CLUL1: variants seen among roughly 807,000 people sequenced by gnomAD.
The protein encoded by CLUL1 is clusterin-like protein 1.
In CLUL1, 43 loss-of-function variants were observed where a neutral mutation model predicts 49.4. That is an observed-to-expected ratio of 0.87 (90% CI 0.68 to 1.12). The LOEUF (loss-of-function observed/expected upper bound fraction) is 1.12. Among genes scored for constraint, CLUL1 ranks in the 50% most tolerant of loss-of-function variants. The pLI is 0.00. For synonymous variants in CLUL1, 192 were observed against 184.9 expected (o/e 1.04, Z -0.31); for missense variants, 486 against 544.4 (o/e 0.89, Z 1.07).
intron 7 of CLUL1, among the ~76,000 whole-genome samples, chr18:634,422 G>A (rs1297097652): frequency 6.6e-5 from 10 of 152,200 alleles, no homozygotes; most frequent in African/African-American, 1.9e-4. Context: ...ATGAACCACC[G>A]TGCCTGGCCT....
chr18:632,051 G>A (rs980744767), intron 6 of CLUL1, among the ~76,000 whole-genome samples: 3 of 152,044 alleles, frequency 2.0e-5, no homozygotes, highest in Non-Finnish European at 2.9e-5. Context: ...AAAATAAAAC[G>A]TTTCATTTTT....
rs2074341077 is a variant in CLUL1 at position 641,403 on chromosome 18, T to C, written c.1071T>C (p.Tyr357=). The C allele has an allele frequency of 1.2e-6, 2 of 1,614,190 alleles. No individual in the cohort carries two copies. The highest frequency in any genetic ancestry group is 1.3e-5 in the African/African-American group (1 of 75,034). The part of the protein sequence containing the change: ...IRLVNVSNQQ[Y]GQILQMTRKH... ...TGGTCAATGTATCCAATCAGCAGTA[T>C]GGCCAGATTCTCCAGATGACCCGGA... Residue 357 remains tyrosine (Y), a synonymous_variant, in exon 8 of 10, where the codon TAT becomes TAC. Coordinates refer to ENST00000692774, the MANE Select transcript of CLUL1 (RefSeq NM_001393344.1).
chr18:649,235 T>TTCAA (rs2074605071), intron 9 of CLUL1, among the ~76,000 whole-genome samples: 2 of 152,150 alleles, frequency 1.3e-5, no homozygotes, highest in African/African-American at 4.8e-5. Flanking sequence ...CCCTGGCATT[T>TTCAA]TCAATCACGT....
chr18:606,064 T>G lies in CLUL1; in HGVS notation c.-135-914T>G, dbSNP rs756960362. ...GTTTTTCTGCCTTCCAAGATCACTC[T>G]GGAAGAATATTTAAGAATATACCAA... On this transcript the variant is annotated intron_variant, in intron 1 of 9. Transcript: ENST00000692774. The surrounding 1 kb of genome is among the most constrained non-coding windows in gnomAD (Gnocchi z 4.1). 6.6e-6 allele frequency among the ~76,000 whole-genome samples: 1 copy of G among 152,186 alleles called. No homozygotes were observed. Among genetic ancestry groups the G allele is most frequent in the Non-Finnish European group, 1.5e-5 (1 of 67,986 alleles).
intron 1 of CLUL1, among the ~76,000 whole-genome samples, chr18:598,818 A>G (rs2072734281): frequency 6.6e-6 from 1 of 152,260 alleles, no homozygotes; most frequent in African/African-American, 2.4e-5. Flanking sequence ...GACTTAAAAA[A>G]AAAGCACCCC....
At chr18:610,444 G>A (rs976724367) in intron 2 of CLUL1, among the ~76,000 whole-genome samples, 3 of 149,548 alleles carry the variant, frequency 2.0e-5, no homozygotes, top group South Asian at 2.1e-4. Context: ...ATGGCAGGGC[G>A]AGCTTAGGGG....
Position 618,240 on chromosome 18 carries a change from C to T in CLUL1, c.106+134C>T. The T allele has an allele frequency of 1.5e-6, 1 of 646,252 alleles. No individual in the cohort carries two copies. The highest frequency in any genetic ancestry group is 2.8e-5 in the East Asian group (1 of 35,610). The allele number at this position is 646,252 out of a possible 1,614,324, so 40.0% of individuals were successfully genotyped here. On this transcript the variant is annotated intron_variant, in intron 3 of 9. Transcript: ENST00000692774. The surrounding 1 kb of genome is among the most constrained non-coding windows in gnomAD (Gnocchi z 4.2). ...TGAAACGTTCTCAAGGCGCTTAAACCAGGTCATCCTGACGCCAAACATCTG... is the reference window on the plus strand; with the variant it reads ...TGAAACGTTCTCAAGGCGCTTAAACTAGGTCATCCTGACGCCAAACATCTG...
At chr18:644,830 C>G in intron 8 of CLUL1, 80 bp from the exon 9 acceptor site, 1 of 1,109,228 alleles carries the variant, frequency 9.0e-7, no homozygotes, top group Non-Finnish European at 1.3e-6. Flanking sequence ...CCAGCCTATC[C>G]TGACTAAGGT....
intron 7 of CLUL1, among the ~76,000 whole-genome samples, chr18:635,983 C>T (rs1484265218): frequency 1.3e-5 from 2 of 152,162 alleles, no homozygotes; most frequent in Non-Finnish European, 2.9e-5. Context: ...GATCCTCCCA[C>T]CTCAGCCTCC....
At chr18:621,541 T>C (rs1297121232) in intron 4 of CLUL1, among the ~76,000 whole-genome samples, 1 of 152,218 alleles carries the variant, frequency 6.6e-6, no homozygotes, top group African/African-American at 2.4e-5. Flanking sequence ...CAGGAAAATG[T>C]GGAAGCCCCT....
intron 2 of CLUL1, among the ~76,000 whole-genome samples, chr18:608,929 G>A (rs113439103): frequency 6.3e-4 from 96 of 151,906 alleles, no homozygotes; most frequent in African/African-American, 2.1e-3. Flanking sequence ...TTTCTTTATC[G>A]TCCAATAATC....
chr18:628,321 A>T lies in CLUL1; in HGVS notation c.856+792A>T, dbSNP rs557562411. Among the ~76,000 whole-genome samples, 3 of 152,346 alleles carry T rather than the reference A, an allele frequency of 2.0e-5. No homozygotes were observed. In the East Asian group the frequency reaches 5.8e-4, roughly 29 times the overall value. ...TTAAATCATAAAATGTATGCATAAA[A>T]CCACAAAAAATGCTCATAAACCCCA... On this transcript the variant is annotated intron_variant, in intron 6 of 9. Transcript: ENST00000692774.
chr18:641,974 TAACA>T (rs2144181780), intron 8 of CLUL1, among the ~76,000 whole-genome samples: 1 of 152,340 alleles, frequency 6.6e-6, no homozygotes, highest in South Asian at 2.1e-4. Context: ...TGTAAAATGG[TAACA>T]ATCATAGCTA....
At chr18:607,954 A>G (rs2073026703) in intron 2 of CLUL1, among the ~76,000 whole-genome samples, 1 of 152,174 alleles carries the variant, frequency 6.6e-6, no homozygotes, top group South Asian at 2.1e-4. Flanking sequence ...AAAAAAGTCA[A>G]CAGCTATATA....
In CLUL1 at chr18:601,719, G is replaced by T. The variant is rs1367821428; in HGVS notation, c.-136+4590G>T. 2.0e-5 allele frequency among the ~76,000 whole-genome samples: 3 copies of T among 152,136 alleles called. No individual in the cohort carries two copies. In the East Asian group the frequency reaches 5.8e-4, roughly 29 times the overall value. Reference sequence around the variant, plus strand: ...AGCTACCTGGAAGGCTGAGGCAGGAGAATCGCTTGAACCCAGGAGACGGAG... The same window carrying T: ...AGCTACCTGGAAGGCTGAGGCAGGATAATCGCTTGAACCCAGGAGACGGAG... On this transcript the variant is annotated intron_variant, in intron 1 of 9. Transcript: ENST00000692774.
chr18:647,622 G>T (rs998345283), intron 9 of CLUL1, among the ~76,000 whole-genome samples: 1 of 152,154 alleles, frequency 6.6e-6, no homozygotes, highest in African/African-American at 2.4e-5. Flanking sequence ...GGCCCAGCTG[G>T]GACATGTGTG....
chr18:627,173 G>A lies in CLUL1; in HGVS notation c.500G>A (p.Ser167Asn). The A allele has an allele frequency of 6.2e-7, 1 of 1,612,470 alleles. No individual in the cohort carries two copies. The highest frequency in any genetic ancestry group is 8.5e-7 in the Non-Finnish European group (1 of 1,178,904). ...GATAATGAAAAAGATCTCCCCATCA[G>A]TGAAAAGCTCATTGAGGAAGATGCA... is the stretch of plus-strand genomic sequence containing the variant. ...HEDNEKDLPI[S>N]EKLIEEDAQL... Residue 167 changes from serine (S) to asparagine (N), a missense_variant, in exon 6 of 10, where the codon AGT (serine) becomes AAT (asparagine). Coordinates refer to ENST00000692774, the MANE Select transcript of CLUL1 (RefSeq NM_001393344.1).
Position 645,810 on chromosome 18 carries a change from AATATATATATAT to A in CLUL1, c.1397+744_1397+755del, listed in dbSNP as rs35329822. 4.3e-3 allele frequency among the ~76,000 whole-genome samples: 127 copies of A among 29,842 alleles called. 4 individuals carry two copies. The highest frequency in any genetic ancestry group is 8.8e-3 in the South Asian group (6 of 678). 19.6% of individuals were successfully genotyped at this position (29,842 alleles called of 152,430 possible). On this transcript the variant is annotated intron_variant, in intron 9 of 9. Coordinates refer to ENST00000692774, the MANE Select transcript of CLUL1 (RefSeq NM_001393344.1). ...CTCTGTTTAAAAAAAAAAAAAAAAA[AATATATATATAT>A]ATATATATATATATATATATATATA...
At chr18:626,899 GAAAGAAAGAAAGAAAGAAAGAAAGAAA>G (rs1375099801) in intron 5 of CLUL1, among the ~76,000 whole-genome samples, 171 bp from the exon 6 acceptor site, 1 of 516 alleles carries the variant, frequency 1.9e-3, no homozygotes, top group African/African-American at 2.1e-3. Context: ...AAGAAAGAAA[GAAAGAAAGAAAGAAAGAAAGAAAGAAA>G]GAAGGAAAGA....
Sources: allele counts gnomAD v4.1 joint callset (sites outside exome capture counted in the v4.1 genomes callset), GRCh38; gene constraint gnomAD v4.1.1; non-coding constraint Gnocchi (gnomAD v3.1); transcripts MANE v1.5; gene names NCBI Gene and HGNC (gene_info 2026-07-23, HGNC 2026-07-21).